The following KCNN2 variants were observed in gnomAD, a reference collection of about 807,000 sequenced individuals.
KCNN2 encodes potassium calcium-activated channel subfamily N member 2.
In KCNN2, 24 loss-of-function variants were observed where a neutral mutation model predicts 55.5. The ratio of observed to expected loss-of-function variants is 0.43; its 90% CI spans 0.31 to 0.61. The LOEUF (loss-of-function observed/expected upper bound fraction) is 0.61, where lower values mean the gene tolerates loss of function less well. Ranked by LOEUF, KCNN2 falls within the 20% of genes least tolerant of loss-of-function variation. The pLI is 0.08. For synonymous variants in KCNN2, 431 were observed against 336.1 expected (o/e 1.28, Z -3.09); for missense variants, 754 against 853.6 (o/e 0.88, Z 1.45).
At chr5:114,190,469 A>ATATATAGGG (rs1258954442) in intron 1 of KCNN2, among the ~76,000 whole-genome samples, 1 of 152,202 alleles carries the variant, frequency 6.6e-6, no homozygotes, top group East Asian at 1.9e-4. Flanking sequence ...TTGTAGAGCC[A>ATATATAGGG]TATATAGGGT....
At chr5:114,280,955 C>T (rs2150012818) in intron 2 of KCNN2, among the ~76,000 whole-genome samples, 1 of 152,220 alleles carries the variant, frequency 6.6e-6, no homozygotes, top group Non-Finnish European at 1.5e-5. Context: ...TCCTTGAGCA[C>T]ACTAACCCTT....
chr5:114,476,569 C>A (rs751852845), intron 5 of KCNN2, among the ~76,000 whole-genome samples: 10 of 151,950 alleles, frequency 6.6e-5, no homozygotes, highest in Non-Finnish European at 8.8e-5. Context: ...CAGGCATGCA[C>A]CACCATGCCC....
chr5:114,372,860 G>A (rs960891069), intron 2 of KCNN2, among the ~76,000 whole-genome samples: 8 of 152,054 alleles, frequency 5.3e-5, no homozygotes, highest in Middle Eastern at 3.4e-3. Context: ...TCATTATGTA[G>A]ATATAATCAA....
intron 3 of KCNN2, among the ~76,000 whole-genome samples, chr5:114,434,126 A>G (rs182661797): frequency 6.6e-6 from 1 of 151,956 alleles, no homozygotes; most frequent in Non-Finnish European, 1.5e-5. Flanking sequence ...GTATTAATTG[A>G]GCATAATATA....
intron 2 of KCNN2, among the ~76,000 whole-genome samples, chr5:114,224,764 G>A (rs1754208309): frequency 6.6e-6 from 1 of 152,148 alleles, no homozygotes; most frequent in Admixed American, 6.6e-5. Context: ...TGAGCCATGG[G>A]CTGTTACAGC....
chr5:114,120,687 G>T (rs2974459), intron 1 of KCNN2, among the ~76,000 whole-genome samples: 3,369 of 152,158 alleles, frequency 0.022, 122 homozygotes, highest in African/African-American at 0.076. Flanking sequence ...AGATGGGGAG[G>T]CAACATGGTA....
intron 3 of KCNN2, among the ~76,000 whole-genome samples, chr5:114,421,441 C>T (rs1372819351): frequency 2.0e-5 from 3 of 152,054 alleles, no homozygotes; most frequent in Non-Finnish European, 4.4e-5. Flanking sequence ...CAGGCACCTG[C>T]CACCATGCCC....
chr5:114,428,059 G>GTAT (rs1759681147), intron 3 of KCNN2, among the ~76,000 whole-genome samples: 1 of 152,162 alleles, frequency 6.6e-6, no homozygotes, highest in African/African-American at 2.4e-5. Context: ...GAAGTTAAGA[G>GTAT]TAAGCTGTAC....
chr5:114,402,964 A>G (rs978565142), intron 2 of KCNN2, among the ~76,000 whole-genome samples: 11 of 152,220 alleles, frequency 7.2e-5, no homozygotes, highest in Non-Finnish European at 1.6e-4. Context: ...AGGGCCTGAA[A>G]AAAAGAGAGT....
In KCNN2 at chr5:114,433,501, A is replaced by G. The variant is rs561924215; in HGVS notation, c.1637+28645A>G. 894 of 152,450 alleles carry G rather than the reference A, an allele frequency of 5.9e-3. 5 individuals carry two copies. The highest frequency in any genetic ancestry group is 0.01 in the Middle Eastern group (3 of 296). The allele number at this position is 152,450 out of a possible 1,614,324, so 9.4% of individuals were successfully genotyped here. A position where few individuals can be genotyped will look rare whatever the true frequency, so the allele number is the denominator to read the frequency against. Reference sequence around the variant, plus strand: ...TAAGAGAATAAAAGCAGGCTACTGGAGCCAGCAGTGGCAACCCGCTCGGGT... The same window carrying G: ...TAAGAGAATAAAAGCAGGCTACTGGGGCCAGCAGTGGCAACCCGCTCGGGT... On this transcript the variant is annotated intron_variant, in intron 3 of 7. Transcript: ENST00000673685.
intron 1 of KCNN2, among the ~76,000 whole-genome samples, chr5:114,134,904 A>G (rs1752143783): frequency 6.6e-6 from 1 of 152,242 alleles, no homozygotes; most frequent in African/African-American, 2.4e-5. Flanking sequence ...AAATAATAGG[A>G]AAAGCATGGA....
chr5:114,487,448 T>C (rs1004034170), intron 6 of KCNN2, among the ~76,000 whole-genome samples: 1 of 152,214 alleles, frequency 6.6e-6, no homozygotes, highest in African/African-American at 2.4e-5. Context: ...AAATTGTATT[T>C]CTTAATTTGA....
At chr5:114,397,974 A>G (rs1371204383) in intron 2 of KCNN2, among the ~76,000 whole-genome samples, 2 of 152,016 alleles carry the variant, frequency 1.3e-5, no homozygotes, top group African/African-American at 4.8e-5. Context: ...TTCTTTTTAT[A>G]GGTTGTCTGT....
chr5:114,472,937 A>T, intron 4 of KCNN2, 117 bp from the exon 5 acceptor site: 1 of 573,470 alleles, frequency 1.7e-6, no homozygotes, highest in Non-Finnish European at 3.1e-6. Context: ...ATACTTATTG[A>T]AGACAATGTT....
chr5:114,491,525 T>TTA (rs1561418415), intron 6 of KCNN2, among the ~76,000 whole-genome samples: 1 of 54,328 alleles, frequency 1.8e-5, no homozygotes. Flanking sequence ...TTTTTTTTTT[T>TTA]AAAAAAAGAA....
intron 1 of KCNN2, among the ~76,000 whole-genome samples, chr5:114,113,198 C>T (rs554123220): frequency 6.6e-6 from 1 of 152,112 alleles, no homozygotes; most frequent in Non-Finnish European, 1.5e-5. Context: ...GTCTGGAGTT[C>T]TTTCCCAGGA....
Position 114,414,603 on chromosome 5 carries a change from A to C in KCNN2, c.1637+9747A>C, listed in dbSNP as rs576003358. On this transcript the variant is annotated intron_variant, in intron 3 of 7. Transcript: ENST00000673685. ...CCATGAGTCAATAAATAGTCTGATC[A>C]CTGTCAAATAATTAAGGATACTAAA... Among the ~76,000 whole-genome samples the C allele has an allele frequency of 2.6e-5, 4 of 152,296 alleles. No individual in the cohort carries two copies. In the East Asian group the frequency reaches 5.8e-4, roughly 22 times the overall value.
At chr5:114,156,307 A>G (rs1399634264) in intron 1 of KCNN2, among the ~76,000 whole-genome samples, 1 of 152,140 alleles carries the variant, frequency 6.6e-6, no homozygotes, top group African/African-American at 2.4e-5. Flanking sequence ...GTTTAAAGTC[A>G]GGTAGCATGA....
chr5:114,437,931 G>A (rs35301607), intron 3 of KCNN2, among the ~76,000 whole-genome samples: 11,042 of 151,928 alleles, frequency 0.073, 516 homozygotes, highest in Non-Finnish European at 0.098. Context: ...CTTGGTTTTT[G>A]CCTATCCCAG....
Sources: allele counts gnomAD v4.1 joint callset (sites outside exome capture counted in the v4.1 genomes callset), GRCh38; gene constraint gnomAD v4.1.1; transcripts MANE v1.5; gene names NCBI Gene and HGNC (gene_info 2026-07-23, HGNC 2026-07-21).